TXNDC15: variants seen among roughly 807,000 people sequenced by gnomAD.
TXNDC15 encodes the protein thioredoxin domain containing 15, also known as thioredoxin domain-containing protein 15.
In TXNDC15, 24 loss-of-function variants were observed where a neutral mutation model predicts 35.0. The observed-to-expected ratio is 0.68, with a 90% confidence interval of 0.50 to 0.96. The LOEUF (loss-of-function observed/expected upper bound fraction) is 0.96. Ranked by LOEUF, TXNDC15 falls within the 40% of genes least tolerant of loss-of-function variation. TXNDC15 has a pLI of 0.00. For missense variants in TXNDC15, 385 were observed against 453.3 expected (o/e 0.85, Z 1.37); for synonymous variants, 169 against 174.0 (o/e 0.97, Z 0.23).
chr5:134,880,128 T>C (rs1054265389), intron 1 of TXNDC15, among the ~76,000 whole-genome samples: 1 of 152,096 alleles, frequency 6.6e-6, no homozygotes, highest in Non-Finnish European at 1.5e-5. Context: ...GCTTTGTGTA[T>C]CCTCAGATTG....
At chr5:134,885,285 C>T (rs1254108230) in intron 1 of TXNDC15, among the ~76,000 whole-genome samples, 1 of 152,174 alleles carries the variant, frequency 6.6e-6, no homozygotes, top group Non-Finnish European at 1.5e-5. Flanking sequence ...CAGCTTGATT[C>T]TTTCAGGTTT....
intron 2 of TXNDC15, among the ~76,000 whole-genome samples, chr5:134,891,061 C>T (rs945163845): frequency 3.9e-5 from 6 of 152,226 alleles, no homozygotes; most frequent in African/African-American, 1.4e-4. Context: ...ATTTCTACCA[C>T]ATCCGCAGTT....
intron 2 of TXNDC15, 120 bp from the exon 3 acceptor site, chr5:134,893,372 C>G (rs1455230955): frequency 2.4e-5 from 29 of 1,218,140 alleles, no homozygotes; most frequent in Non-Finnish European, 3.3e-5. Context: ...GGTTCCTTCT[C>G]TCGCTGCTCC....
At chr5:134,877,963 T>G (rs1750073430) in intron 1 of TXNDC15, among the ~76,000 whole-genome samples, 1 of 152,098 alleles carries the variant, frequency 6.6e-6, no homozygotes, top group African/African-American at 2.4e-5. Flanking sequence ...TTAGTAGAGA[T>G]GGGGTTTCGC....
chr5:134,886,586 C>T (rs1380546958), intron 1 of TXNDC15, among the ~76,000 whole-genome samples: 2 of 152,270 alleles, frequency 1.3e-5, no homozygotes, highest in South Asian at 2.1e-4. Context: ...GGAAAGTTCT[C>T]TTCTTCCTCC....
intron 4 of TXNDC15, among the ~76,000 whole-genome samples, chr5:134,898,493 C>A (rs561943173): frequency 1.3e-5 from 2 of 152,172 alleles, no homozygotes; most frequent in African/African-American, 4.8e-5. Context: ...AAAATTATAA[C>A]ACACATTGCA....
intron 1 of TXNDC15, among the ~76,000 whole-genome samples, chr5:134,879,606 AT>A (rs1460570066): frequency 6.6e-6 from 1 of 152,198 alleles, no homozygotes; most frequent in Non-Finnish European, 1.5e-5. Flanking sequence ...ATAAAAGGCT[AT>A]AGAAATACCG....
At chr5:134,874,367 C>G (rs373843509), upstream of TXNDC15, 1 of 1,447,774 alleles carries the variant, frequency 6.9e-7, no homozygotes, top group Non-Finnish European at 9.2e-7. Context: ...CTCCCCCAGC[C>G]TTCCTCCGGC....
rs983903957 is a variant in TXNDC15, at chr5:134,877,950, T to G, written c.103+3420T>G. Among the ~76,000 whole-genome samples the G allele has an allele frequency of 5.9e-5, 9 of 152,128 alleles. 1 individual carries two copies. In the South Asian group the frequency reaches 1.5e-3, roughly 25 times the overall value. ...ACTACACCCCGGCTAATTTTTGGTATTTTTAGTAGAGATGGGGTTTCGCCA... is the reference window on the plus strand; with the variant it reads ...ACTACACCCCGGCTAATTTTTGGTAGTTTTAGTAGAGATGGGGTTTCGCCA... On this transcript the variant is annotated intron_variant, in intron 1 of 4. Transcript: ENST00000358387.
intron 3 of TXNDC15, among the ~76,000 whole-genome samples, chr5:134,895,812 T>C (rs1561901659): frequency 6.6e-6 from 1 of 152,220 alleles, no homozygotes; most frequent in Non-Finnish European, 1.5e-5. Flanking sequence ...TCTAAACAAG[T>C]CATCCTGCCC....
At chr5:134,883,820 C>T (rs1750215266) in intron 1 of TXNDC15, among the ~76,000 whole-genome samples, 1 of 149,746 alleles carries the variant, frequency 6.7e-6, no homozygotes, top group Admixed American at 6.7e-5. Flanking sequence ...GAAGCTGAGG[C>T]AGGAGAATTG....
chr5:134,875,216 T>C (rs1354169769), intron 1 of TXNDC15: 1 of 456,268 alleles, frequency 2.2e-6, no homozygotes, highest in Non-Finnish European at 4.4e-6. Context: ...TCTAGAGGCA[T>C]GGCGAGGGTG....
Position 134,887,793 on chromosome 5 carries a change from C to G in TXNDC15, c.202C>G (p.Pro68Ala). 6.2e-7 allele frequency: 1 copy of G among 1,614,122 alleles called. No homozygotes were observed. Among genetic ancestry groups the G allele is most frequent in the Non-Finnish European group, 8.5e-7 (1 of 1,180,020 alleles). The change falls in exon 2 of 5, where the codon CCG (proline) becomes GCG (alanine). Residue 68 changes from proline (P) to alanine (A), a missense_variant. Pro to Ala is a conservative substitution (Grantham distance 27, BLOSUM62 -1). Transcript: ENST00000358387. ...GGGTGAGGAGGAGCTCCTGCATGACCCGATGGGCCAGGACAGGGCAGCAGA... is the reference window on the plus strand; with the variant it reads ...GGGTGAGGAGGAGCTCCTGCATGACGCGATGGGCCAGGACAGGGCAGCAGA... ...YLGEEELLHD[P>A]MGQDRAAEEA...
At chr5:134,879,696 C>T (rs1300277348) in intron 1 of TXNDC15, among the ~76,000 whole-genome samples, 3 of 152,124 alleles carry the variant, frequency 2.0e-5, no homozygotes, top group African/African-American at 7.2e-5. Context: ...ATTGTAGTCA[C>T]AGAAGTGCTT....
rs771265090 is a variant in TXNDC15, at chr5:134,888,036, A to G, written c.445A>G (p.Thr149Ala). 14 of 1,614,086 alleles carry G rather than the reference A, an allele frequency of 8.7e-6. No homozygotes were observed. In the East Asian group the frequency reaches 2.2e-4, roughly 26 times the overall value. Residue 149 changes from threonine to alanine, a missense_variant, in exon 2 of 5, where the codon ACA (threonine) becomes GCA (alanine). By Grantham distance (58) the Thr-to-Ala change is moderately conservative. Transcript: ENST00000358387. Reference protein sequence around the residue: ...HFPDREEEYYTEPEVAESDAA... With the variant: ...HFPDREEEYYAEPEVAESDAA... ...CCCTGACAGAGAAGAGGAGTATTAC[A>G]CAGAGCCAGAAGTGGCGGAATCTGA...
At chr5:134,883,323 G>A (rs1270192464) in intron 1 of TXNDC15, among the ~76,000 whole-genome samples, 1 of 152,184 alleles carries the variant, frequency 6.6e-6, no homozygotes, top group African/African-American at 2.4e-5. Context: ...TATTCAGGAG[G>A]CTGAGGCAGG....
At chr5:134,874,309 A>C (rs370778578), upstream of TXNDC15, 6 of 764,004 alleles carry the variant, frequency 7.9e-6, no homozygotes, top group African/African-American at 9.4e-5. Context: ...CACAGCTGCC[A>C]GGTGTTAAGA....
chr5:134,894,790 G>T (rs1394154640), intron 3 of TXNDC15, among the ~76,000 whole-genome samples: 1 of 152,168 alleles, frequency 6.6e-6, no homozygotes, highest in Non-Finnish European at 1.5e-5. Flanking sequence ...TAGTAGGTCA[G>T]CCTCAACAAG....
intron 2 of TXNDC15, 90 bp from the exon 3 acceptor site, chr5:134,893,402 C>A (rs954904495): frequency 6.6e-7 from 1 of 1,514,504 alleles, no homozygotes. Flanking sequence ...GTTCCTCTCC[C>A]TGGAGCAGCA....
Sources: gnomAD v4.1 joint callset for allele counts (sites outside exome capture counted in the v4.1 genomes callset) on GRCh38, gnomAD v4.1.1 for gene constraint, MANE v1.5 for transcripts, NCBI Gene and HGNC (gene_info 2026-07-23, HGNC 2026-07-21) for gene names.